The following GABRB3 variants were observed in gnomAD, a reference collection of about 807,000 sequenced individuals.
GABRB3 encodes the protein gamma-aminobutyric acid receptor subunit beta-3.
A neutral mutation model predicts 52.1 loss-of-function variants in GABRB3; 14 were observed. That is an observed-to-expected ratio of 0.27 (90% CI 0.18 to 0.42). The LOEUF (loss-of-function observed/expected upper bound fraction) is 0.42, where lower values mean the gene tolerates loss of function less well. Ranked by LOEUF, GABRB3 falls within the 10% of genes least tolerant of loss-of-function variation. The pLI is 1.00. For synonymous variants in GABRB3, 260 were observed against 232.3 expected, an observed-to-expected ratio of 1.12 and a Z score of -1.08; for missense variants, 307 against 609.1, an observed-to-expected ratio of 0.50 and a Z score of 5.22.
intron 3 of GABRB3, among the ~76,000 whole-genome samples, chr15:26,663,550 TAA>T: frequency 6.6e-6 from 1 of 152,234 alleles, no homozygotes; most frequent in South Asian, 2.1e-4. Context: ...AGTGCCTGCA[TAA>T]TACATCTTTT....
intron 3 of GABRB3, among the ~76,000 whole-genome samples, chr15:26,631,003 C>T (rs1234636602): frequency 1.3e-5 from 2 of 152,196 alleles, no homozygotes; most frequent in Non-Finnish European, 2.9e-5. Context: ...GCCACGGTTC[C>T]TGGTGAGACA....
chr15:26,554,143 A>AGTGTGT (rs1270530034), intron 8 of GABRB3, among the ~76,000 whole-genome samples: 7 of 30,020 alleles, frequency 2.3e-4, no homozygotes, highest in African/African-American at 8.9e-4. Context: ...ATATATATAA[A>AGTGTGT]GTATATATAT....
intron 3 of GABRB3, among the ~76,000 whole-genome samples, chr15:26,682,308 T>C (rs1299864849): frequency 6.6e-6 from 1 of 152,148 alleles, no homozygotes; most frequent in East Asian, 1.9e-4. Context: ...CCTGTGCAAC[T>C]GGCCCTTTTT....
chr15:26,579,324 C>T (rs1267115061), intron 6 of GABRB3, among the ~76,000 whole-genome samples: 1 of 152,152 alleles, frequency 6.6e-6, no homozygotes, highest in Non-Finnish European at 1.5e-5. Flanking sequence ...TGGAGATGCA[C>T]CCCAGCCACT....
At chr15:26,609,590 T>C (rs1891987672) in intron 4 of GABRB3, among the ~76,000 whole-genome samples, 1 of 152,156 alleles carries the variant, frequency 6.6e-6, no homozygotes, top group Non-Finnish European at 1.5e-5. Flanking sequence ...TCCCTATTCA[T>C]GTCTACATTG....
chr15:26,552,640 AG>A (rs1567095231), intron 8 of GABRB3, among the ~76,000 whole-genome samples: 1 of 152,180 alleles, frequency 6.6e-6, no homozygotes, highest in Admixed American at 6.5e-5. Flanking sequence ...TGGATGCTGC[AG>A]GGAGGAGGGC....
chr15:26,714,127 C>A (rs1016436945), intron 3 of GABRB3, among the ~76,000 whole-genome samples: 1 of 152,216 alleles, frequency 6.6e-6, no homozygotes, highest in Non-Finnish European at 1.5e-5. Context: ...AATATTTAGA[C>A]GTCTGAGCTA....
At chr15:26,738,059 TG>T (rs1890110032) in intron 3 of GABRB3, among the ~76,000 whole-genome samples, 1 of 151,944 alleles carries the variant, frequency 6.6e-6, no homozygotes, top group South Asian at 2.1e-4. Flanking sequence ...GCTTATGTTT[TG>T]TTTTTTTTGT....
In GABRB3 at chr15:26,688,456, G is replaced by A. The variant is rs924517727; in HGVS notation, c.241-66922C>T. Among the ~76,000 whole-genome samples the A allele has an allele frequency of 5.3e-5, 8 of 152,290 alleles. No individual in the cohort carries two copies. In the South Asian group the frequency reaches 8.3e-4, roughly 16 times the overall value. ...GATTAAGCTTCTAGGACTCTATGCC[G>A]ATACTGGTTTTGTGGTTGTTTGTTT... On this transcript the variant is annotated intron_variant, in intron 3 of 8. Transcript: ENST00000311550.
chr15:26,759,988 T>C (rs1250233558), intron 3 of GABRB3, among the ~76,000 whole-genome samples: 1 of 152,250 alleles, frequency 6.6e-6, no homozygotes, highest in Admixed American at 6.5e-5. Flanking sequence ...GCAACTATGT[T>C]TGAGACCTGA....
chr15:26,728,209 C>G (rs1889822394), intron 3 of GABRB3, among the ~76,000 whole-genome samples: 1 of 152,208 alleles, frequency 6.6e-6, no homozygotes, highest in African/African-American at 2.4e-5. Context: ...AGGCTCACAA[C>G]TGTATCAATG....
intron 8 of GABRB3, among the ~76,000 whole-genome samples, chr15:26,554,632 C>T (rs550149052): frequency 1.6e-3 from 246 of 152,230 alleles, no homozygotes; most frequent in African/African-American, 5.3e-3. Flanking sequence ...TGACAAATAG[C>T]ACTCATTCAT....
intron 8 of GABRB3, among the ~76,000 whole-genome samples, chr15:26,555,378 C>T (rs181029334): frequency 6.6e-6 from 1 of 152,044 alleles, no homozygotes; most frequent in African/African-American, 2.4e-5. Context: ...CACAAGACAT[C>T]GGGTAAAATG....
intron 3 of GABRB3, among the ~76,000 whole-genome samples, chr15:26,637,255 C>G (rs967461509): frequency 3.9e-5 from 6 of 152,152 alleles, no homozygotes; most frequent in Non-Finnish European, 7.3e-5. Context: ...CTCTCTTTCC[C>G]CTAACAACCT....
chr15:26,636,530 C>A (rs1005090108), intron 3 of GABRB3, among the ~76,000 whole-genome samples: 2 of 152,302 alleles, frequency 1.3e-5, no homozygotes, highest in South Asian at 2.1e-4. Context: ...TCCACCAGAC[C>A]CTGGTCTCTT....
rs1889190194 is a variant in GABRB3 at position 26,545,257 on chromosome 15, T to C, written c.*2536A>G. 1 of 152,414 alleles carries C rather than the reference T, an allele frequency of 6.6e-6. No individual in the cohort carries two copies. The highest frequency in any genetic ancestry group is 2.1e-4 in the South Asian group (1 of 4,818). 9.4% of individuals were successfully genotyped at this position (152,414 alleles called of 1,614,324 possible). On this transcript the variant is annotated 3_prime_UTR_variant, in exon 9 of 9. Transcript: ENST00000311550. Reference sequence around the variant, plus strand: ...ACTATTTATAGTATAGCTAATATGTTAACTTCATCGCAGTGTCTACAAAGT... The same window carrying C: ...ACTATTTATAGTATAGCTAATATGTCAACTTCATCGCAGTGTCTACAAAGT...
intron 8 of GABRB3, among the ~76,000 whole-genome samples, chr15:26,553,833 G>A (rs1001069416): frequency 6.6e-6 from 1 of 151,172 alleles, no homozygotes; most frequent in Non-Finnish European, 1.5e-5. Context: ...TAATCAACAA[G>A]TGCATTTGAA....
chr15:26,592,213 C>T (rs1008481794), intron 4 of GABRB3, among the ~76,000 whole-genome samples: 5 of 152,190 alleles, frequency 3.3e-5, no homozygotes, highest in South Asian at 4.1e-4. Flanking sequence ...AGCAGCCAGA[C>T]AGAAAGACCT....
chr15:26,553,830 C>T (rs1423081753), intron 8 of GABRB3, among the ~76,000 whole-genome samples: 1 of 151,452 alleles, frequency 6.6e-6, no homozygotes. Context: ...AAATAATCAA[C>T]AAGTGCATTT....
Sources: allele counts gnomAD v4.1 joint callset (sites outside exome capture counted in the v4.1 genomes callset), GRCh38; gene constraint gnomAD v4.1.1; transcripts MANE v1.5; gene names NCBI Gene and HGNC (gene_info 2026-07-23, HGNC 2026-07-21).